The following CCDC149 variants were observed in gnomAD, a reference collection of about 807,000 sequenced individuals.
CCDC149 encodes the protein coiled-coil domain containing 149, also known as coiled-coil domain-containing protein 149.
In CCDC149, 45 loss-of-function variants were observed where a neutral mutation model predicts 59.9. The observed-to-expected ratio is 0.75, with a 90% CI of 0.59 to 0.96. The LOEUF (loss-of-function observed/expected upper bound fraction) is 0.96, where lower values mean the gene tolerates loss of function less well. CCDC149 is among the 40% of genes least tolerant of loss of function. The pLI, the probability that CCDC149 is intolerant of heterozygous loss-of-function variation, is 0.00. For missense variants in CCDC149, 584 were observed against 664.7 expected (o/e 0.88, Z 1.33); for synonymous variants, 245 against 260.6 (o/e 0.94, Z 0.58).
intron 1 of CCDC149, among the ~76,000 whole-genome samples, chr4:24,880,256 G>A (rs909216665): frequency 2.6e-5 from 4 of 152,216 alleles, no homozygotes; most frequent in African/African-American, 9.6e-5. Context: ...ACAGTAACGT[G>A]CTGCATACAT....
At chr4:24,847,153 G>C (rs1324723984) in intron 4 of CCDC149, among the ~76,000 whole-genome samples, 1 of 152,140 alleles carries the variant, frequency 6.6e-6, no homozygotes, top group Non-Finnish European at 1.5e-5. Context: ...TCTCTACTTG[G>C]GGGGACACAT....
intron 1 of CCDC149, among the ~76,000 whole-genome samples, chr4:24,901,988 T>C (rs574011044): frequency 1.3e-5 from 2 of 152,362 alleles, no homozygotes; most frequent in East Asian, 3.9e-4. Context: ...TCTACACGTA[T>C]TGAGCACCTG....
chr4:24,933,072 ATCT>A (rs1722640495), intron 1 of CCDC149, among the ~76,000 whole-genome samples: 1 of 152,130 alleles, frequency 6.6e-6, no homozygotes, highest in Non-Finnish European at 1.5e-5. Flanking sequence ...ACAGAAAATG[ATCT>A]TCTTCTATGA....
intron 1 of CCDC149, among the ~76,000 whole-genome samples, chr4:24,892,905 A>C (rs1720610002): frequency 2.0e-5 from 3 of 152,166 alleles, no homozygotes; most frequent in African/African-American, 7.2e-5. Context: ...GCATCTGCCA[A>C]TGACTTTCTT....
chr4:24,891,261 T>C (rs561735985), intron 1 of CCDC149, among the ~76,000 whole-genome samples: 1 of 152,340 alleles, frequency 6.6e-6, no homozygotes, highest in South Asian at 2.1e-4. Flanking sequence ...ATCCTCGTGA[T>C]TCAAATCACT....
chr4:24,811,652 C>G (rs2109087516), intron 12 of CCDC149, among the ~76,000 whole-genome samples: 1 of 152,260 alleles, frequency 6.6e-6, no homozygotes, highest in Admixed American at 6.5e-5. Flanking sequence ...GCGGGCGGAT[C>G]ACCTGAGGTC....
At chr4:24,848,351 A>G (rs1231973788) in intron 4 of CCDC149, among the ~76,000 whole-genome samples, 1 of 152,144 alleles carries the variant, frequency 6.6e-6, no homozygotes, top group Non-Finnish European at 1.5e-5. Context: ...TGGGTGGATC[A>G]TGAGGTCAAG....
intron 4 of CCDC149, 77 bp downstream of exon 4, chr4:24,852,995 T>TGTGCG: frequency 1.1e-6 from 1 of 889,000 alleles, no homozygotes; most frequent in Non-Finnish European, 1.8e-6. Context: ...TGCATTACAT[T>TGTGCG]TTTCCGATGT....
chr4:24,872,668 C>A (rs1418224106), intron 3 of CCDC149, among the ~76,000 whole-genome samples: 1 of 151,730 alleles, frequency 6.6e-6, no homozygotes, highest in African/African-American at 2.4e-5. Context: ...GGTATGAACC[C>A]ACTGAACAGT....
At chr4:24,880,455 A>G (rs1332163606) in intron 1 of CCDC149, among the ~76,000 whole-genome samples, 2 of 152,232 alleles carry the variant, frequency 1.3e-5, no homozygotes, top group Non-Finnish European at 2.9e-5. Flanking sequence ...CAAAACAACA[A>G]TAGAAAACTC....
At chr4:24,885,042 C>T (rs1384945165) in intron 1 of CCDC149, among the ~76,000 whole-genome samples, 1 of 152,080 alleles carries the variant, frequency 6.6e-6, no homozygotes, top group African/African-American at 2.4e-5. Flanking sequence ...AGGTGAGAGG[C>T]CAGAAGATGT....
intron 1 of CCDC149, among the ~76,000 whole-genome samples, chr4:24,963,895 C>T (rs563691050): frequency 6.6e-6 from 1 of 152,294 alleles, no homozygotes; most frequent in South Asian, 2.1e-4. Context: ...GGCACAGTGG[C>T]TCATGCCTAT....
At position 24,966,765 on chromosome 4, in the gene CCDC149, G is replaced by A. The variant is rs370279082; in HGVS notation, c.-65+13304C>T. Among the ~76,000 whole-genome samples, 25 of 152,324 alleles carry A rather than the reference G, an allele frequency of 1.6e-4. No individual in the cohort carries two copies. In the South Asian group the frequency reaches 4.1e-3, roughly 25 times the overall value. On this transcript the variant is annotated intron_variant, in intron 1 of 12. Coordinates refer to the CCDC149 transcript ENST00000389609. ...TTGCTGCATGACCTGGTCCTGCCCA[G>A]GCACTTCAGTTCAAAGACAACTTGC...
At chr4:24,888,558 C>G (rs1328065495) in intron 1 of CCDC149, among the ~76,000 whole-genome samples, 2 of 152,178 alleles carry the variant, frequency 1.3e-5, no homozygotes. Flanking sequence ...TGCAGATTCA[C>G]CAACCCTAGA....
chr4:24,966,150 C>T (rs4697511), intron 1 of CCDC149, among the ~76,000 whole-genome samples: 80,641 of 151,954 alleles, frequency 0.53, 23,402 homozygotes, highest in Non-Finnish European at 0.66. Context: ...CAGGTGAGTA[C>T]GTGGTTGGCA....
chr4:24,896,702 G>C (rs1425302536), intron 1 of CCDC149, among the ~76,000 whole-genome samples: 1 of 152,016 alleles, frequency 6.6e-6, no homozygotes, highest in African/African-American at 2.4e-5. Context: ...TTGACTTACA[G>C]TAAGTTCATA....
intron 9 of CCDC149, chr4:24,828,685 G>A (rs1388899476): frequency 1.3e-5 from 2 of 152,294 alleles, no homozygotes; most frequent in East Asian, 3.9e-4. Context: ...GGAGGCTGAG[G>A]CACATGAATC....
At chr4:24,970,686 G>C (rs1015621699) in intron 1 of CCDC149, among the ~76,000 whole-genome samples, 2 of 152,184 alleles carry the variant, frequency 1.3e-5, no homozygotes, top group Admixed American at 1.3e-4. Context: ...TGGGTCTGTA[G>C]TGACACAGGG....
chr4:24,871,771 GT>G (rs1480161588), intron 3 of CCDC149, among the ~76,000 whole-genome samples: 1 of 152,178 alleles, frequency 6.6e-6, no homozygotes, highest in Non-Finnish European at 1.5e-5. Context: ...CAAAGCCAAT[GT>G]TTATGTCATT....
Sources: gnomAD v4.1 joint callset for allele counts (sites outside exome capture counted in the v4.1 genomes callset) on GRCh38, gnomAD v4.1.1 for gene constraint, MANE v1.5 for transcripts, NCBI Gene and HGNC (gene_info 2026-07-23, HGNC 2026-07-21) for gene names.